The following MOK variants were observed in gnomAD, a reference collection of about 807,000 sequenced individuals.
The protein encoded by MOK is MAPK/MAK/MRK overlapping kinase.
A neutral mutation model predicts 54.2 loss-of-function variants in MOK; 59 were observed. That is an observed-to-expected ratio of 1.09 (90% CI 0.88 to 1.35). The LOEUF (loss-of-function observed/expected upper bound fraction) is 1.35, where lower values mean the gene tolerates loss of function less well. Among genes scored for constraint, MOK ranks in the 40% most tolerant of loss-of-function variants. The probability of loss-of-function intolerance (pLI) is 0.00; values close to 1 mark genes in which losing one functional copy is unlikely to be tolerated. For missense variants in MOK, 517 were observed against 526.2 expected (o/e 0.98, Z 0.17); for synonymous variants, 210 against 202.7 (o/e 1.04, Z -0.31).
At chr14:102,295,572 G>T (rs11160677) in intron 1 of MOK, among the ~76,000 whole-genome samples, 1,816 of 152,286 alleles carry the variant, frequency 0.012, 44 homozygotes, top group African/African-American at 0.041. Context: ...CGAGGAAGAA[G>T]ATTTCAGCTT....
chr14:102,257,352 T>C (rs151316977), intron 4 of MOK, among the ~76,000 whole-genome samples: 151 of 152,144 alleles, frequency 9.9e-4, no homozygotes, highest in Non-Finnish European at 1.3e-3. Context: ...CAGAGCGTTG[T>C]CAGCGGCAGG....
At chr14:102,243,602 T>G (rs2153100612) in intron 7 of MOK, among the ~76,000 whole-genome samples, 1 of 152,312 alleles carries the variant, frequency 6.6e-6, no homozygotes, top group Non-Finnish European at 1.5e-5. Context: ...GCATATACTT[T>G]CTGCTCCCTG....
intron 1 of MOK, among the ~76,000 whole-genome samples, chr14:102,292,805 C>CTTTGGTTT (rs2070912619): frequency 2.6e-5 from 4 of 151,896 alleles, no homozygotes; most frequent in Admixed American, 2.0e-4. Flanking sequence ...GTATTAAAAC[C>CTTTGGTTT]ATTCAATTTG....
chr14:102,224,416 G>C, downstream of MOK: 1 of 372,344 alleles, frequency 2.7e-6, no homozygotes, highest in South Asian at 2.1e-5. Flanking sequence ...CCTGCTCAGC[G>C]AGTTACTGGA....
downstream of MOK, among the ~76,000 whole-genome samples, chr14:102,219,557 G>A (rs138763568): frequency 2.6e-5 from 4 of 152,346 alleles, no homozygotes; most frequent in Admixed American, 1.3e-4. Flanking sequence ...TTGGGCCTTC[G>A]CTTCGCCTTC....
intron 7 of MOK, among the ~76,000 whole-genome samples, chr14:102,243,539 ACT>A (rs528045909): frequency 1.8e-3 from 271 of 151,626 alleles, no homozygotes; most frequent in African/African-American, 6.1e-3. Context: ...TGCTCAACTC[ACT>A]CTCTACAGCC....
chr14:102,224,752 AG>A (rs1359910411), downstream of MOK: 8 of 456,014 alleles, frequency 1.8e-5, no homozygotes, highest in Non-Finnish European at 3.5e-5. Context: ...AGGCGCCAGC[AG>A]GGACTCTGGA....
At chr14:102,289,816 CTTCT>C (rs2070553666) in intron 1 of MOK, among the ~76,000 whole-genome samples, 1 of 152,096 alleles carries the variant, frequency 6.6e-6, no homozygotes, top group South Asian at 2.1e-4. Context: ...CCTCAAGCTC[CTTCT>C]TTGTCAACAG....
chr14:102,250,817 G>C lies in MOK; in HGVS notation c.585C>G (p.Ile195Met). The C allele has an allele frequency of 1.2e-6, 2 of 1,613,052 alleles. No homozygotes were observed. The highest frequency in any genetic ancestry group is 1.7e-6 in the Non-Finnish European group (2 of 1,179,330). ...LWSAGCVFYE[I>M]ASLQPLFPGV... ...GGAGCCTGGCCTGGTGCTACCTGGC[G>C]ATCTCGTAGAACACACAGCCGGCGC... Residue 195 changes from isoleucine to methionine, a missense_variant, in exon 7 of 12, where the codon ATC becomes ATG. Coordinates refer to ENST00000361847, the MANE Select transcript of MOK (RefSeq NM_014226.3).
At chr14:102,302,816 T>G (rs113354549) in intron 1 of MOK, among the ~76,000 whole-genome samples, 3,002 of 151,256 alleles carry the variant, frequency 0.02, 91 homozygotes, top group African/African-American at 0.067. Flanking sequence ...ATAATATATA[T>G]AGAGAGAGTA....
chr14:102,223,853 C>G (rs1040295055), downstream of MOK, among the ~76,000 whole-genome samples: 3 of 151,994 alleles, frequency 2.0e-5, no homozygotes, highest in Non-Finnish European at 2.9e-5. Context: ...GTGGTCGCCT[C>G]ACAGCCTCAG....
intron 1 of MOK, among the ~76,000 whole-genome samples, chr14:102,290,422 A>G (rs1179523741): frequency 6.6e-6 from 1 of 152,064 alleles, no homozygotes; most frequent in Non-Finnish European, 1.5e-5. Flanking sequence ...CCTGGGCAAC[A>G]AGAGCAAAAC....
chr14:102,237,800 C>T (rs1167026972), intron 7 of MOK, among the ~76,000 whole-genome samples: 1 of 152,188 alleles, frequency 6.6e-6, no homozygotes, highest in Non-Finnish European at 1.5e-5. Flanking sequence ...AGAGGATGGC[C>T]AACCTGTCTT....
At chr14:102,301,531 C>G (rs182261009) in intron 1 of MOK, among the ~76,000 whole-genome samples, 3 of 152,208 alleles carry the variant, frequency 2.0e-5, no homozygotes, top group Admixed American at 2.0e-4. Flanking sequence ...TCTAGCATTC[C>G]CAGCCCCACT....
chr14:102,222,244 C>T (rs1228645262), downstream of MOK, among the ~76,000 whole-genome samples: 1 of 152,226 alleles, frequency 6.6e-6, no homozygotes, highest in African/African-American at 2.4e-5. The surrounding 1 kb of genome is among the most constrained non-coding windows in gnomAD (Gnocchi z 4.4). Context: ...TCTGGGGCTC[C>T]CCCGACCTCG....
At chr14:102,297,715 C>T (rs930041299) in intron 1 of MOK, among the ~76,000 whole-genome samples, 5 of 152,052 alleles carry the variant, frequency 3.3e-5, no homozygotes, top group African/African-American at 9.7e-5. Context: ...CGGGGCTGCA[C>T]GTGGTGCTTG....
rs757788442 is a variant in MOK, at chr14:102,263,618, T to C, written c.213-2A>G. 3 of 1,596,966 alleles carry C rather than the reference T, an allele frequency of 1.9e-6. No homozygotes were observed. The highest frequency in any genetic ancestry group is 2.2e-5 in the East Asian group (1 of 44,670). ...GCAAGAGAACCAGATTTTCTGTCACTGAAGAAGAAAGCAAGTTTTTAAAAT... is the reference window on the plus strand; with the variant it reads ...GCAAGAGAACCAGATTTTCTGTCACCGAAGAAGAAAGCAAGTTTTTAAAAT... On this transcript the variant is annotated splice_acceptor_variant, in intron 3 of 11. Coordinates refer to ENST00000361847, the MANE Select transcript of MOK (RefSeq NM_014226.3). LOFTEE classifies it high-confidence loss of function.
intron 1 of MOK, among the ~76,000 whole-genome samples, chr14:102,291,679 A>T (rs948387174): frequency 6.6e-6 from 1 of 152,184 alleles, no homozygotes; most frequent in South Asian, 2.1e-4. Context: ...GCTTGCAGCC[A>T]AGTGCGGTGG....
intron 3 of MOK, chr14:102,263,845 G>A (rs1002675891): frequency 1.0e-5 from 4 of 395,416 alleles, no homozygotes; most frequent in Non-Finnish European, 1.8e-5. Flanking sequence ...TCTAGAAGTT[G>A]AAAACAGATA....
Sources: allele counts gnomAD v4.1 joint callset (sites outside exome capture counted in the v4.1 genomes callset), GRCh38; gene constraint gnomAD v4.1.1; non-coding constraint Gnocchi (gnomAD v3.1); transcripts MANE v1.5; gene names NCBI Gene and HGNC (gene_info 2026-07-23, HGNC 2026-07-21).